The following CALCR variants were observed in gnomAD, a reference collection of about 807,000 sequenced individuals.
The protein encoded by CALCR is calcitonin receptor.
In CALCR, 47 loss-of-function variants were observed where a neutral mutation model predicts 59.5. The ratio of observed to expected loss-of-function variants is 0.79; its 90% CI spans 0.63 to 1.01. The LOEUF (loss-of-function observed/expected upper bound fraction) is 1.01, where lower values mean the gene tolerates loss of function less well. CALCR is among the 50% of genes least tolerant of loss of function. The probability of loss-of-function intolerance (pLI) is 0.00; values close to 1 mark genes in which losing one functional copy is unlikely to be tolerated. For missense variants in CALCR, 566 were observed against 597.1 expected (o/e 0.95, Z 0.54); for synonymous variants, 213 against 211.3 (o/e 1.01, Z -0.07).
Position 93,460,947 on chromosome 7 carries a change from C to T in CALCR, c.522G>A (p.Arg174=). The T allele has an allele frequency of 6.2e-7, 1 of 1,606,196 alleles. No individual in the cohort carries two copies. Among genetic ancestry groups the T allele is most frequent in the Non-Finnish European group, 8.5e-7 (1 of 1,177,354 alleles). ...GGGTTACCCTTTGGCAGCCAAGGCT[C>T]CTGGAAGAAAAAGTAACATAAAGCA... ...VISLGIFVFF[R]SLGCQRVTLH... Residue 174 remains arginine (R), a splice_region_variant and synonymous_variant, in exon 8 of 14, where the codon AGG becomes AGA. Coordinates refer to ENST00000426151, the MANE Select transcript of CALCR (RefSeq NM_001742.4).
intron 2 of CALCR, among the ~76,000 whole-genome samples, chr7:93,551,259 G>C (rs2116228791): frequency 6.6e-6 from 1 of 152,270 alleles, no homozygotes; most frequent in African/African-American, 2.4e-5. Context: ...CCACCTTATG[G>C]AGAACTTGTC....
At chr7:93,550,598 A>AACACACACACAC (rs201729250) in intron 2 of CALCR, among the ~76,000 whole-genome samples, 5,889 of 121,832 alleles carry the variant, frequency 0.048, 323 homozygotes, top group African/African-American at 0.12. Flanking sequence ...ATTTGGGCTA[A>AACACACACACAC]ACACACACAC....
chr7:93,472,594 G>A, intron 5 of CALCR, 107 bp from the exon 6 acceptor site: 1 of 668,570 alleles, frequency 1.5e-6, no homozygotes. Context: ...TCACTTTATA[G>A]AACTTGAATG....
chr7:93,445,950 G>A (rs368654183), intron 8 of CALCR, among the ~76,000 whole-genome samples: 12 of 151,988 alleles, frequency 7.9e-5, no homozygotes, highest in East Asian at 1.9e-4. Context: ...ACATTTGTTC[G>A]TAGTATGAGA....
At chr7:93,529,003 G>C (rs1234625071) in intron 2 of CALCR, among the ~76,000 whole-genome samples, 1 of 152,218 alleles carries the variant, frequency 6.6e-6, no homozygotes. Context: ...ACACGAAAAT[G>C]AGTTTATATG....
chr7:93,519,060 C>T (rs868703054), intron 2 of CALCR, among the ~76,000 whole-genome samples: 15 of 151,828 alleles, frequency 9.9e-5, no homozygotes, highest in African/African-American at 3.6e-4. Flanking sequence ...GTGAATTATG[C>T]TTATTAACAC....
chr7:93,468,584 AT>A, intron 7 of CALCR, 130 bp downstream of exon 7: 1 of 573,296 alleles, frequency 1.7e-6, no homozygotes, highest in South Asian at 2.4e-5. Flanking sequence ...TTGCTACTTC[AT>A]GACTCCTAAT....
intron 2 of CALCR, among the ~76,000 whole-genome samples, chr7:93,553,245 C>T (rs1000912): frequency 0.67 from 101,731 of 151,876 alleles, 35,399 homozygotes; most frequent in African/African-American, 0.87. Context: ...TGTTGCTCCA[C>T]CAAAGGTGCA....
In CALCR at chr7:93,479,382, C is replaced by T; in HGVS notation, c.177G>A (p.Met59Ile). ...MDAQYKCYDR[M>I]QQLPAYQGEG... is the part of the protein sequence containing the mutation. ...CTCCTTGGTATGCGGGTAACTGCTG[C>T]ATTCGGTCATAGCATTTGTACTGTG... is the stretch of plus-strand genomic sequence containing the variant. The change falls in exon 4 of 14, where the codon ATG (methionine) becomes ATA (isoleucine). Residue 59 changes from methionine to isoleucine, a missense_variant. Coordinates refer to ENST00000426151, the MANE Select transcript of CALCR (RefSeq NM_001742.4). 1.9e-6 allele frequency: 3 copies of T among 1,611,366 alleles called. No homozygotes were observed. Among genetic ancestry groups the T allele is most frequent in the Middle Eastern group, 3.3e-4 (2 of 6,036 alleles).
chr7:93,486,705 A>G (rs1042135466), intron 3 of CALCR, among the ~76,000 whole-genome samples: 3 of 151,518 alleles, frequency 2.0e-5, no homozygotes, highest in African/African-American at 7.3e-5. Flanking sequence ...TGTAAACAAA[A>G]CTCAAATTTC....
At chr7:93,554,312 A>G (rs1789536938) in intron 2 of CALCR, among the ~76,000 whole-genome samples, 1 of 152,150 alleles carries the variant, frequency 6.6e-6, no homozygotes, top group South Asian at 2.1e-4. Flanking sequence ...ATGAAATTCT[A>G]TTTCCTAGAG....
intron 2 of CALCR, among the ~76,000 whole-genome samples, chr7:93,525,333 G>T (rs1801854687): frequency 6.6e-6 from 1 of 152,074 alleles, no homozygotes; most frequent in Admixed American, 6.6e-5. Flanking sequence ...ACAGAGTCTG[G>T]CTTTGGTGTA....
chr7:93,493,370 A>G (rs1801126861), intron 2 of CALCR, among the ~76,000 whole-genome samples: 1 of 151,446 alleles, frequency 6.6e-6, no homozygotes, highest in South Asian at 2.1e-4. Context: ...CATGAATTGT[A>G]TGAATGAGAA....
At chr7:93,550,488 CAAAAA>C (rs11287815) in intron 2 of CALCR, among the ~76,000 whole-genome samples, 1 of 26,572 alleles carries the variant, frequency 3.8e-5, no homozygotes, top group Non-Finnish European at 6.4e-5. Context: ...AACTCCGTCT[CAAAAA>C]AAAAAAAAAA....
chr7:93,460,836 G>A lies in CALCR; in HGVS notation c.633C>T (p.Leu211=), dbSNP rs147794595. 1.8e-4 allele frequency: 290 copies of A among 1,606,924 alleles called. 8 individuals carry two copies. Among genetic ancestry groups the A allele is most frequent in the East Asian group, 1.7e-3 (74 of 44,598 alleles). ...HLVEVVPNGE[L]VRRDPVSCKI... is the part of the protein sequence containing the mutation. ...CAGTACTTACCGGGTCCCTTCGCACGAGCTCTCCATTGGGTACTACTTCAA... is the reference window on the plus strand; with the variant it reads ...CAGTACTTACCGGGTCCCTTCGCACAAGCTCTCCATTGGGTACTACTTCAA... Residue 211 remains leucine (L), a synonymous_variant, in exon 8 of 14, where the codon CTC becomes CTT. Transcript: ENST00000426151.
At chr7:93,522,366 T>C (rs1173110717) in intron 2 of CALCR, among the ~76,000 whole-genome samples, 1 of 152,216 alleles carries the variant, frequency 6.6e-6, no homozygotes, top group Admixed American at 6.5e-5. Context: ...CTTTAGATGC[T>C]CTGTGGACAG....
intron 8 of CALCR, among the ~76,000 whole-genome samples, chr7:93,459,918 T>C (rs1800281524): frequency 6.6e-6 from 1 of 152,202 alleles, no homozygotes; most frequent in Admixed American, 6.6e-5. Flanking sequence ...GTTGCAATTG[T>C]GCATGTGGGC....
intron 9 of CALCR, among the ~76,000 whole-genome samples, chr7:93,443,033 A>G (rs1799942224): frequency 6.6e-6 from 1 of 152,002 alleles, no homozygotes; most frequent in African/African-American, 2.4e-5. Context: ...CAGCTTAAAC[A>G]ATCCAGCCCT....
At chr7:93,451,875 T>C (rs1431622804) in intron 8 of CALCR, among the ~76,000 whole-genome samples, 1 of 151,972 alleles carries the variant, frequency 6.6e-6, no homozygotes, top group African/African-American at 2.4e-5. Context: ...TGCAGCAACA[T>C]AAATGCATCT....
Sources: allele counts gnomAD v4.1 joint callset (sites outside exome capture counted in the v4.1 genomes callset), GRCh38; gene constraint gnomAD v4.1.1; transcripts MANE v1.5; gene names NCBI Gene and HGNC (gene_info 2026-07-23, HGNC 2026-07-21).